GRB10: variants seen among roughly 807,000 people sequenced by gnomAD.
The protein encoded by GRB10 is growth factor receptor bound protein 10.
GRB10 carries 20 observed loss-of-function variants against 80.9 expected under a neutral mutation model. The observed-to-expected ratio is 0.25, with a 90% CI of 0.17 to 0.36. The LOEUF (loss-of-function observed/expected upper bound fraction) is 0.36, where lower values mean the gene tolerates loss of function less well. Ranked by LOEUF, GRB10 falls within the 10% of genes least tolerant of loss-of-function variation. GRB10 has a pLI of 1.00. For synonymous variants in GRB10, 291 were observed against 291.5 expected (o/e 1.00, Z 0.02); for missense variants, 548 against 747.7 (o/e 0.73, Z 3.12).
intron 4 of GRB10, among the ~76,000 whole-genome samples, chr7:50,720,777 C>G (rs532468467): frequency 6.6e-6 from 1 of 150,458 alleles, no homozygotes; most frequent in African/African-American, 2.4e-5. Flanking sequence ...CCAAAGTACA[C>G]CATTAAAAAA....
At chr7:50,738,404 A>G (rs2153695366) in intron 3 of GRB10, among the ~76,000 whole-genome samples, 2 of 152,352 alleles carry the variant, frequency 1.3e-5, no homozygotes, top group African/African-American at 4.8e-5. Flanking sequence ...GAATTAATGG[A>G]TAATTCATCA....
chr7:50,616,429 T>A, intron 10 of GRB10, 82 bp from the exon 11 acceptor site: 1 of 1,324,110 alleles, frequency 7.6e-7, no homozygotes, highest in South Asian at 1.2e-5. Context: ...TAGCTGACAT[T>A]TTCTGAATTA....
chr7:50,767,370 T>G (rs1292459161), intron 2 of GRB10, among the ~76,000 whole-genome samples: 1 of 152,178 alleles, frequency 6.6e-6, no homozygotes, highest in African/African-American at 2.4e-5. Flanking sequence ...AGAGTACACT[T>G]AACAACTGCA....
chr7:50,728,566 A>C (rs1003314290), intron 4 of GRB10, among the ~76,000 whole-genome samples: 2 of 152,214 alleles, frequency 1.3e-5, no homozygotes, highest in Non-Finnish European at 2.9e-5. Flanking sequence ...TCAGTGTCCC[A>C]GAAAAAACTT....
intron 7 of GRB10, among the ~76,000 whole-genome samples, chr7:50,666,388 T>C (rs1358925805): frequency 6.6e-6 from 1 of 152,198 alleles, no homozygotes; most frequent in Non-Finnish European, 1.5e-5. Flanking sequence ...AATAGGAGGC[T>C]GAGGGCTCTT....
chr7:50,726,254 C>G (rs988126783), intron 4 of GRB10, among the ~76,000 whole-genome samples: 4 of 152,024 alleles, frequency 2.6e-5, no homozygotes, highest in African/African-American at 9.7e-5. Context: ...AAAAATTAGC[C>G]AGGTGTGATG....
At chr7:50,788,051 G>C (rs1372719240) in intron 1 of GRB10, among the ~76,000 whole-genome samples, 1 of 142,562 alleles carries the variant, frequency 7.0e-6, no homozygotes, top group Admixed American at 6.7e-5. Flanking sequence ...ACCAGGCACT[G>C]TCCCTGGGCA....
At chr7:50,677,996 A>G (rs1373351267) in intron 5 of GRB10, among the ~76,000 whole-genome samples, 1 of 152,194 alleles carries the variant, frequency 6.6e-6, no homozygotes, top group African/African-American at 2.4e-5. Flanking sequence ...TTCTAGGAAA[A>G]TAACATGTTT....
intron 7 of GRB10, among the ~76,000 whole-genome samples, chr7:50,660,720 G>C (rs1018314316): frequency 2.0e-5 from 3 of 152,194 alleles, no homozygotes; most frequent in Admixed American, 6.5e-5. Context: ...GAGGGGGGCC[G>C]AGGACAGAGG....
intron 4 of GRB10, among the ~76,000 whole-genome samples, chr7:50,721,434 A>T (rs1271940713): frequency 1.3e-5 from 2 of 152,228 alleles, no homozygotes; most frequent in African/African-American, 4.8e-5. Context: ...CGGATCACAG[A>T]GCTTGAATTC....
chr7:50,711,870 T>C (rs1027433218), intron 4 of GRB10, among the ~76,000 whole-genome samples: 1 of 152,228 alleles, frequency 6.6e-6, no homozygotes, highest in African/African-American at 2.4e-5. Flanking sequence ...ACATTCCCAC[T>C]TAAATCCTGT....
intron 7 of GRB10, among the ~76,000 whole-genome samples, chr7:50,634,600 C>G (rs1242846207): frequency 6.6e-6 from 1 of 152,020 alleles, no homozygotes; most frequent in Non-Finnish European, 1.5e-5. Context: ...GACTGGCAAA[C>G]TGGATAAAAA....
At position 50,705,054 on chromosome 7, in the gene GRB10, CAGCA is replaced by C. The variant is rs1024458599; in HGVS notation, c.52-1150_52-1147del. On this transcript the variant is annotated intron_variant, in intron 4 of 18. Transcript: ENST00000401949. Reference sequence around the variant, plus strand: ...TCTTAATTTCTGCCTGAATGCTTCCCAGCAAGCAGTTTCTCTGCCCAGAGCCCTC... The same window carrying C: ...TCTTAATTTCTGCCTGAATGCTTCCCAGCAGTTTCTCTGCCCAGAGCCCTC... The C allele has an allele frequency of 2.9e-5, 21 of 722,870 alleles. No homozygotes were observed. The African/African-American group carries it at 3.8e-4, about 13-fold the overall frequency. 44.8% of individuals were successfully genotyped at this position (722,870 alleles called of 1,614,324 possible). A position where few individuals can be genotyped will look rare whatever the true frequency, so the allele number is the denominator to read the frequency against.
chr7:50,786,684 A>T (rs2078707101), upstream of GRB10, among the ~76,000 whole-genome samples: 1 of 152,258 alleles, frequency 6.6e-6, no homozygotes, highest in Non-Finnish European at 1.5e-5. Flanking sequence ...ATTTTCCCAG[A>T]CATGCAAGGT....
At position 50,684,398 on chromosome 7, in the gene GRB10, A is replaced by G. The variant is rs564155233; in HGVS notation, c.140-9740T>C. The stretch of plus-strand genomic sequence containing the variant: ...ATATTTAAAAAAAATAAGGAAAGCA[A>G]TTCATCTTAGCGATTTCATCAAAGA... On this transcript the variant is annotated intron_variant, in intron 5 of 18. Coordinates refer to ENST00000401949, the MANE Select transcript of GRB10 (RefSeq NM_001350814.2). 4.6e-5 allele frequency among the ~76,000 whole-genome samples: 7 copies of G among 152,096 alleles called. No individual in the cohort carries two copies. The East Asian group carries it at 1.2e-3, about 25-fold the overall frequency.
chr7:50,653,220 G>GC (rs1254110392), intron 7 of GRB10, among the ~76,000 whole-genome samples: 1 of 152,190 alleles, frequency 6.6e-6, no homozygotes, highest in Non-Finnish European at 1.5e-5. Flanking sequence ...TAGGCCGTGG[G>GC]CCCCAGTGCA....
At chr7:50,615,158 T>C (rs1294015406) in intron 11 of GRB10, among the ~76,000 whole-genome samples, 1 of 152,172 alleles carries the variant, frequency 6.6e-6, no homozygotes, top group Admixed American at 6.5e-5. Context: ...TGACCGGATA[T>C]TCAAGATAAA....
At chr7:50,597,716 G>C (rs2046912382) in intron 17 of GRB10, among the ~76,000 whole-genome samples, 1 of 152,232 alleles carries the variant, frequency 6.6e-6, no homozygotes, top group East Asian at 1.9e-4. Context: ...GGGAATGCCT[G>C]AAGGTTGTCT....
intron 3 of GRB10, among the ~76,000 whole-genome samples, chr7:50,737,720 G>C (rs1183101135): frequency 1.3e-5 from 2 of 152,168 alleles, no homozygotes; most frequent in Non-Finnish European, 2.9e-5. Flanking sequence ...ATGGTGGCAG[G>C]CACCTGCAAT....
Sources: allele counts gnomAD v4.1 joint callset (sites outside exome capture counted in the v4.1 genomes callset), GRCh38; gene constraint gnomAD v4.1.1; transcripts MANE v1.5; gene names NCBI Gene and HGNC (gene_info 2026-07-23, HGNC 2026-07-21).